Variants in PABPC4L observed in about 807,000 individuals in gnomAD.
The protein encoded by PABPC4L is polyadenylate-binding protein 4-like.
For synonymous variants in PABPC4L, 169 were observed against 164.1 expected (o/e 1.03, Z -0.23); for missense variants, 452 against 451.4 (o/e 1.00, Z -0.01).
the PABPC4L span, among the ~76,000 whole-genome samples, chr4:134,048,946 T>C: frequency 1.3e-5 from 2 of 152,052 alleles, no homozygotes; most frequent in Admixed American, 1.3e-4. Context: ...AGTAATTGTG[T>C]AAAAATAAGG....
At chr4:134,035,992 A>T in the PABPC4L span, among the ~76,000 whole-genome samples, 1 of 152,046 alleles carries the variant, frequency 6.6e-6, no homozygotes, top group African/African-American at 2.4e-5. Flanking sequence ...CAACATGAGG[A>T]AAACTGCCCC....
At chr4:134,169,226 A>T in the PABPC4L span, among the ~76,000 whole-genome samples, 1 of 152,098 alleles carries the variant, frequency 6.6e-6, no homozygotes, top group Non-Finnish European at 1.5e-5. Flanking sequence ...ACTGATGCTG[A>T]TAAAACTTTT....
chr4:133,948,646 T>C, the PABPC4L span, among the ~76,000 whole-genome samples: 4 of 152,346 alleles, frequency 2.6e-5, no homozygotes, highest in East Asian at 7.7e-4. Flanking sequence ...TATTTCCCCA[T>C]GCATTCCTGT....
chr4:133,998,815 C>T, the PABPC4L span, among the ~76,000 whole-genome samples: 2 of 151,680 alleles, frequency 1.3e-5, no homozygotes, highest in Non-Finnish European at 2.9e-5. Context: ...GATCTTTCCC[C>T]CTAGTTTAAT....
the PABPC4L span, among the ~76,000 whole-genome samples, chr4:134,031,039 C>T: frequency 2.6e-5 from 4 of 151,934 alleles, no homozygotes; most frequent in African/African-American, 9.7e-5. Context: ...TACTTGAGAG[C>T]GCTATCCAGC....
chr4:134,111,092 G>A, the PABPC4L span, among the ~76,000 whole-genome samples: 1 of 152,020 alleles, frequency 6.6e-6, no homozygotes, highest in Non-Finnish European at 1.5e-5. Context: ...AGTAGTTTCA[G>A]TTATCTGGTA....
At chr4:134,012,378 T>C in the PABPC4L span, among the ~76,000 whole-genome samples, 6 of 152,094 alleles carry the variant, frequency 3.9e-5, no homozygotes, top group Admixed American at 3.9e-4. Flanking sequence ...TTCCTTCTCC[T>C]GGCTCATCCT....
chr4:134,051,376 A>G, the PABPC4L span, among the ~76,000 whole-genome samples: 1 of 152,098 alleles, frequency 6.6e-6, no homozygotes, highest in African/African-American at 2.4e-5. Context: ...AGTTTTCAAA[A>G]TCTTTTAGCT....
Position 134,200,559 on chromosome 4 carries a change from A to G in PABPC4L, c.461T>C (p.Ile154Thr). The G allele has an allele frequency of 6.4e-7, 1 of 1,551,666 alleles. No individual in the cohort carries two copies. The highest frequency in any genetic ancestry group is 8.7e-7 in the Non-Finnish European group (1 of 1,146,978). Residue 154 changes from isoleucine to threonine, a missense_variant, in exon 2 of 2, where the codon ATT (isoleucine) becomes ACT (threonine). Ile to Thr is a moderately conservative substitution (Grantham distance 89). Transcript: ENST00000421491. ...FQNQSAADRA[I>T]EEMNGKLLKG... ...GAGTAGTTTTCCATTCATCTCCTCA[A>G]TGGCCCTGTCTGCAGCACTCTGGTT... is the stretch of plus-strand genomic sequence containing the variant.
chr4:134,190,726 A>G, the PABPC4L span, among the ~76,000 whole-genome samples: 1 of 152,018 alleles, frequency 6.6e-6, no homozygotes, highest in African/African-American at 2.4e-5. Context: ...ATCTCGGCTC[A>G]CTGCAACCTT....
At chr4:134,049,207 A>C in the PABPC4L span, among the ~76,000 whole-genome samples, 1 of 152,046 alleles carries the variant, frequency 6.6e-6, no homozygotes, top group Admixed American at 6.6e-5. Flanking sequence ...TTTGTCATCA[A>C]ATTTATACTG....
At chr4:134,088,339 A>C in the PABPC4L span, among the ~76,000 whole-genome samples, 1 of 152,094 alleles carries the variant, frequency 6.6e-6, no homozygotes, top group Admixed American at 6.6e-5. Context: ...CACCTCTACT[A>C]CTGGGACCTA....
the PABPC4L span, among the ~76,000 whole-genome samples, chr4:134,050,864 A>G: frequency 4.2e-5 from 6 of 143,890 alleles, no homozygotes; most frequent in Non-Finnish European, 7.6e-5. Flanking sequence ...CCTTCAGAAC[A>G]TCTATATTGA....
At chr4:134,115,503 T>C in the PABPC4L span, among the ~76,000 whole-genome samples, 1 of 151,894 alleles carries the variant, frequency 6.6e-6, no homozygotes, top group South Asian at 2.1e-4. Flanking sequence ...CAGAGGAAAT[T>C]ATGTTTAGAA....
the PABPC4L span, among the ~76,000 whole-genome samples, chr4:133,949,667 G>A: frequency 1.3e-5 from 2 of 152,066 alleles, no homozygotes; most frequent in South Asian, 2.1e-4. Flanking sequence ...TCGTGGTCAG[G>A]AGCACTTGTT....
chr4:133,998,491 C>G, the PABPC4L span, among the ~76,000 whole-genome samples: 3 of 151,916 alleles, frequency 2.0e-5, no homozygotes, highest in Non-Finnish European at 2.9e-5. Flanking sequence ...ACAAAATACA[C>G]CTTTATAATA....
the PABPC4L span, among the ~76,000 whole-genome samples, chr4:134,167,223 G>A: frequency 6.6e-6 from 1 of 152,020 alleles, no homozygotes; most frequent in Non-Finnish European, 1.5e-5. Flanking sequence ...TGTTAATGAT[G>A]TATTATGACA....
the PABPC4L span, among the ~76,000 whole-genome samples, chr4:133,963,559 G>T: frequency 5.9e-5 from 9 of 152,052 alleles, no homozygotes; most frequent in South Asian, 1.9e-3. Flanking sequence ...AACAGCTCAT[G>T]GAACTTTCTC....
the PABPC4L span, among the ~76,000 whole-genome samples, chr4:134,046,342 A>C: frequency 6.6e-6 from 1 of 152,156 alleles, no homozygotes; most frequent in African/African-American, 2.4e-5. Context: ...CTCCACCCAA[A>C]CATCTCAGTG....
Sources: allele counts gnomAD v4.1 joint callset (sites outside exome capture counted in the v4.1 genomes callset), GRCh38; gene constraint gnomAD v4.1.1; transcripts MANE v1.5; gene names NCBI Gene and HGNC (gene_info 2026-07-23, HGNC 2026-07-21).